Variants in RGPD4 observed in about 807,000 individuals in gnomAD.
RGPD4 encodes the protein ranBP2-like and GRIP domain-containing protein 4.
Under a neutral mutation model 141.1 loss-of-function variants are expected in RGPD4, and 84 were observed. That is an observed-to-expected ratio of 0.60 (90% confidence interval 0.50 to 0.71). The LOEUF (loss-of-function observed/expected upper bound fraction) is 0.71, where lower values mean the gene tolerates loss of function less well. Ranked by LOEUF, RGPD4 falls within the 30% of genes least tolerant of loss-of-function variation. The pLI, the probability that RGPD4 is intolerant of heterozygous loss-of-function variation, is 0.00. For synonymous variants in RGPD4, 298 were observed against 566.8 expected, an observed-to-expected ratio of 0.53 and a Z score of 6.74; for missense variants, 918 against 1,622.4, an observed-to-expected ratio of 0.57 and a Z score of 7.46.
At chr2:107,885,398 A>G (rs1373929517) in intron 22 of RGPD4, among the ~76,000 whole-genome samples, 3 of 152,218 alleles carry the variant, frequency 2.0e-5, no homozygotes, top group Non-Finnish European at 2.9e-5. Flanking sequence ...GAGCATGTCT[A>G]ACAGCCCTCT....
chr2:107,858,329 C>G (rs1324862788), intron 9 of RGPD4, among the ~76,000 whole-genome samples: 2 of 152,212 alleles, frequency 1.3e-5, no homozygotes, highest in African/African-American at 4.8e-5. Flanking sequence ...ACATGAACAT[C>G]TTTAAGTCTT....
In RGPD4 at chr2:107,829,987, T is replaced by G. The variant is rs1360419298; in HGVS notation, c.72+2902T>G. Among the ~76,000 whole-genome samples the G allele has an allele frequency of 7.2e-5, 11 of 151,948 alleles. No individual in the cohort carries two copies. The East Asian group carries it at 2.1e-3, about 30-fold the overall frequency. On this transcript the variant is annotated intron_variant, in intron 1 of 22. Coordinates refer to ENST00000408999, the MANE Select transcript of RGPD4 (RefSeq NM_182588.3). ...GGTGAGCTTTGGCGGCTGCGTCGAG[T>G]GACAAGGTAGGCATCTCAGCGCGGA...
At chr2:107,865,351 A>G (rs1161821354) in intron 17 of RGPD4, among the ~76,000 whole-genome samples, 3 of 151,978 alleles carry the variant, frequency 2.0e-5, no homozygotes, top group Non-Finnish European at 2.9e-5. Flanking sequence ...TTTGAACATC[A>G]CCTTGAGAAT....
chr2:107,870,391 C>T (rs1014354297), intron 19 of RGPD4, among the ~76,000 whole-genome samples: 1 of 150,756 alleles, frequency 6.6e-6, no homozygotes, highest in African/African-American at 2.5e-5. Flanking sequence ...TAGACCCTTG[C>T]TCTTCTGCTT....
chr2:107,861,640 C>T lies in RGPD4; in HGVS notation c.2105C>T (p.Pro702Leu). ...AEDIANDALS[P>L]EEQEECKNYL... ...GACATTGCAAATGATGCCCTTTCTC[C>T]TGAAGAACAAGAAGAATGCAAAAAT... Residue 702 changes from proline (P) to leucine (L), a missense_variant, in exon 15 of 23, where the codon CCT becomes CTT. Pro to Leu is a moderately conservative substitution (Grantham distance 98). Transcript: ENST00000408999. 6.2e-7 allele frequency: 1 copy of T among 1,609,530 alleles called. No homozygotes were observed. Among genetic ancestry groups the T allele is most frequent in the Non-Finnish European group, 8.5e-7 (1 of 1,179,236 alleles).
intron 20 of RGPD4, among the ~76,000 whole-genome samples, chr2:107,877,797 G>A (rs1265761530): frequency 1.3e-5 from 2 of 151,754 alleles, no homozygotes; most frequent in African/African-American, 2.4e-5. Context: ...TTAAAAGTTT[G>A]ATGACTAAGG....
chr2:107,874,400 G>A (rs1005803769), intron 20 of RGPD4, among the ~76,000 whole-genome samples: 2 of 148,162 alleles, frequency 1.3e-5, no homozygotes, highest in African/African-American at 5.1e-5. Flanking sequence ...TCTGTTGAAG[G>A]CCTTCAAGAA....
chr2:107,881,348 C>T (rs146986335), intron 21 of RGPD4, among the ~76,000 whole-genome samples: 5,821 of 150,338 alleles, frequency 0.039, 354 homozygotes, highest in African/African-American at 0.13. Context: ...GAGATAGTCT[C>T]GCTCTGTCAC....
chr2:107,885,289 T>A, intron 22 of RGPD4, among the ~76,000 whole-genome samples: 1 of 152,184 alleles, frequency 6.6e-6, no homozygotes, highest in East Asian at 1.9e-4. Flanking sequence ...TAACTAATTT[T>A]ATAGTTATAA....
Position 107,882,999 on chromosome 2 carries a change from TA to T in RGPD4, c.5266+127del, listed in dbSNP as rs2104518076. Reference sequence around the variant, plus strand: ...ATTTGAATTGGGTCTGTCATATGAGTAGGCCGTGACTAGATTTGAAAAGCTG... The same window carrying T: ...ATTTGAATTGGGTCTGTCATATGAGTGGCCGTGACTAGATTTGAAAAGCTG... On this transcript the variant is annotated intron_variant, in intron 22 of 22. Transcript: ENST00000408999. 3 of 944,546 alleles carry T rather than the reference TA, an allele frequency of 3.2e-6. No individual in the cohort carries two copies. In the South Asian group the frequency reaches 4.3e-5, roughly 13 times the overall value. 58.5% of individuals were successfully genotyped at this position (944,546 alleles called of 1,614,324 possible). A position where few individuals can be genotyped will look rare whatever the true frequency, so the allele number is the denominator to read the frequency against.
At chr2:107,831,132 G>T (rs1351678152) in intron 1 of RGPD4, among the ~76,000 whole-genome samples, 8 of 81,362 alleles carry the variant, frequency 9.8e-5, no homozygotes, top group Non-Finnish European at 2.1e-4. Flanking sequence ...AGCAGAGATT[G>T]TGCCACTGCA....
Position 107,890,947 on chromosome 2 carries a change from T to C in RGPD4, c.*216T>C. 1 of 645,088 alleles carries C rather than the reference T, an allele frequency of 1.6e-6. No homozygotes were observed. The highest frequency in any genetic ancestry group is 2.6e-6 in the Non-Finnish European group (1 of 378,918). The allele number at this position is 645,088 out of a possible 1,614,324, so 40.0% of individuals were successfully genotyped here. A position where few individuals can be genotyped will look rare whatever the true frequency, so the allele number is the denominator to read the frequency against. On this transcript the variant is annotated 3_prime_UTR_variant, in exon 23 of 23. Transcript: ENST00000408999. ...ACAGATGTATTTTAAAAGTTTCAACTTGAAGTAAAAGTACAACAGCTTGAA... is the reference window on the plus strand; with the variant it reads ...ACAGATGTATTTTAAAAGTTTCAACCTGAAGTAAAAGTACAACAGCTTGAA...
chr2:107,876,444 G>A (rs1357587427), intron 20 of RGPD4, among the ~76,000 whole-genome samples: 1 of 151,564 alleles, frequency 6.6e-6, no homozygotes, highest in East Asian at 1.9e-4. Flanking sequence ...TCCGTTGTTA[G>A]TCATCAAATT....
At chr2:107,844,819 C>CTTT (rs1558794972) in intron 6 of RGPD4, among the ~76,000 whole-genome samples, 1 of 62,250 alleles carries the variant, frequency 1.6e-5, no homozygotes, top group African/African-American at 5.7e-5. Context: ...TTCTTTCTTT[C>CTTT]TTTCTTTTTT....
intron 22 of RGPD4, among the ~76,000 whole-genome samples, chr2:107,889,115 A>C (rs1675582878): frequency 6.6e-6 from 1 of 150,524 alleles, no homozygotes; most frequent in African/African-American, 2.5e-5. Context: ...TCAAACTGTC[A>C]TACATATATA....
At chr2:107,887,265 T>A (rs1362146261) in intron 22 of RGPD4, among the ~76,000 whole-genome samples, 1 of 151,888 alleles carries the variant, frequency 6.6e-6, no homozygotes, top group East Asian at 1.9e-4. Flanking sequence ...TTAAAAAAAA[T>A]TAAGAAATAA....
chr2:107,858,055 G>GTTGT, intron 9 of RGPD4, among the ~76,000 whole-genome samples: 1 of 151,428 alleles, frequency 6.6e-6, no homozygotes, highest in South Asian at 2.1e-4. Context: ...CATCTAAATG[G>GTTGT]TTATGTATGA....
rs1226977284 is a variant in RGPD4, at chr2:107,849,448, G to A, written c.978+912G>A. Among the ~76,000 whole-genome samples, 9 of 130,812 alleles carry A rather than the reference G, an allele frequency of 6.9e-5. No individual in the cohort carries two copies. The East Asian group carries it at 2.1e-3, about 31-fold the overall frequency. 85.8% of individuals were successfully genotyped at this position (130,812 alleles called of 152,430 possible). ...GTGGCACGATCTCGGCTCACTGCAAGCTCCACCTCCCGAGTTCACGCCATT... is the reference window on the plus strand; with the variant it reads ...GTGGCACGATCTCGGCTCACTGCAAACTCCACCTCCCGAGTTCACGCCATT... On this transcript the variant is annotated intron_variant, in intron 7 of 22. Transcript: ENST00000408999.
At chr2:107,835,490 A>G (rs1681637780) in intron 1 of RGPD4, among the ~76,000 whole-genome samples, 1 of 145,570 alleles carries the variant, frequency 6.9e-6, no homozygotes, top group African/African-American at 2.5e-5. Flanking sequence ...CTTGACTGTA[A>G]AATACTGATC....
Sources: gnomAD v4.1 joint callset for allele counts (sites outside exome capture counted in the v4.1 genomes callset) on GRCh38, gnomAD v4.1.1 for gene constraint, MANE v1.5 for transcripts, NCBI Gene and HGNC (gene_info 2026-07-23, HGNC 2026-07-21) for gene names.